Variants in NDUFV1 observed in about 807,000 individuals in gnomAD.
NDUFV1 encodes NADH dehydrogenase [ubiquinone] flavoprotein 1, mitochondrial.
A neutral mutation model predicts 48.7 loss-of-function variants in NDUFV1; 41 were observed. That is an observed-to-expected ratio of 0.84 (90% CI 0.66 to 1.09). The LOEUF is 1.09. Ranked by LOEUF, NDUFV1 falls within the 50% of genes least tolerant of loss-of-function variation. The pLI is 0.00. For missense variants in NDUFV1, 580 were observed against 645.4 expected, an observed-to-expected ratio of 0.90 and a Z score of 1.10; for synonymous variants, 231 against 259.1, an observed-to-expected ratio of 0.89 and a Z score of 1.04.
chr11:67,611,885 C>T lies in NDUFV1; in HGVS notation c.1081-12C>T. 1 of 1,613,982 alleles carries T rather than the reference C, an allele frequency of 6.2e-7. No homozygotes were observed. Among genetic ancestry groups the T allele is most frequent in the Non-Finnish European group, 8.5e-7 (1 of 1,179,950 alleles). On this transcript the variant is annotated splice_polypyrimidine_tract_variant and intron_variant, in intron 7 of 9. Coordinates refer to ENST00000322776, the MANE Select transcript of NDUFV1 (RefSeq NM_007103.4). The surrounding 1 kb of genome is among the most constrained non-coding windows in gnomAD (Gnocchi z 4.2). ...GGCCGTGGGTGCCTGCTAATTGCCC[C>T]TCGTCACCCAGACGGACATCGTGAA...
chr11:67,609,241 T>C (rs969123751), intron 3 of NDUFV1, among the ~76,000 whole-genome samples: 4 of 152,140 alleles, frequency 2.6e-5, no homozygotes, highest in African/African-American at 9.7e-5. Flanking sequence ...ACCTTTCTTG[T>C]GGTCATAGCC....
At position 67,611,919 on chromosome 11, in the gene NDUFV1, C is replaced by T. The variant is rs1854923476; in HGVS notation, c.1103C>T (p.Ala368Val). The change falls in exon 8 of 10, where the codon GCC becomes GTC. Residue 368 changes from alanine (A) to valine (V), a missense_variant. Transcript: ENST00000322776. The surrounding 1 kb of genome is among the most constrained non-coding windows in gnomAD (Gnocchi z 4.2). ...CAGACGGACATCGTGAAAGCCATCG[C>T]CCGCCTCATTGAGTTCTATAAGCAC... ...DRSTDIVKAI[A>V]RLIEFYKHES... The T allele has an allele frequency of 2.5e-6, 4 of 1,614,086 alleles. No homozygotes were observed. Among genetic ancestry groups the T allele is most frequent in the Non-Finnish European group, 3.4e-6 (4 of 1,180,010 alleles).
chr11:67,611,192 A>AT lies in NDUFV1; in HGVS notation c.900dup (p.Glu301Ter). The AT allele has an allele frequency of 1.2e-6, 2 of 1,613,640 alleles. No homozygotes were observed. The highest frequency in any genetic ancestry group is 1.7e-6 in the Non-Finnish European group (2 of 1,179,872). ...GATGTCTGTGCCCTTGAAAGAACTG[A>AT]TTGAGAAGCATGCTGGTAAGGCCTG... On this transcript the variant is annotated frameshift_variant, in exon 6 of 10. Coordinates refer to ENST00000322776, the MANE Select transcript of NDUFV1 (RefSeq NM_007103.4). LOFTEE classifies it high-confidence loss of function. This position sits in a 1 kb window ranked among gnomAD's most constrained non-coding sequence, Gnocchi z 4.2.
chr11:67,611,683 A>C lies in NDUFV1; in HGVS notation c.1080+114A>C. ...CAGGTCTCAGTTCCTGCAGCCTGAG[A>C]TAAAGCAAGGTGGAAGAGGAGGGAG... is the stretch of plus-strand genomic sequence containing the variant. On this transcript the variant is annotated intron_variant, in intron 7 of 9. Transcript: ENST00000322776. The surrounding 1 kb of genome is among the most constrained non-coding windows in gnomAD (Gnocchi z 4.2). 6.7e-7 allele frequency: 1 copy of C among 1,491,444 alleles called. No homozygotes were observed. 92.4% of individuals were successfully genotyped at this position (1,491,444 alleles called of 1,614,324 possible).
Position 67,611,780 on chromosome 11 carries a change from G to A in NDUFV1, c.1081-117G>A. The A allele has an allele frequency of 2.7e-6, 4 of 1,463,682 alleles. No homozygotes were observed. The highest frequency in any genetic ancestry group is 3.8e-6 in the Non-Finnish European group (4 of 1,060,016). 90.7% of individuals were successfully genotyped at this position (1,463,682 alleles called of 1,614,324 possible). On this transcript the variant is annotated intron_variant, in intron 7 of 9. Transcript: ENST00000322776. This position sits in a 1 kb window ranked among gnomAD's most constrained non-coding sequence, Gnocchi z 4.2. ...GGCCCAGGGAGGCTGGAGGAGGCCA[G>A]AACGCTGGGTGGGCTGGGAAGAGCT...
Position 67,611,125 on chromosome 11 carries a change from C to T in NDUFV1, c.831C>T (p.Asn277=), listed in dbSNP as rs139299777. ...GCAACTCAGGCACCAAACTATTCAA[C>T]ATCTCTGGCCATGTCAACCACCCTT... ...RERNSGTKLF[N]ISGHVNHPCT... is the part of the protein sequence containing the mutation. The change falls in exon 6 of 10, where the codon AAC becomes AAT. Residue 277 remains asparagine, a synonymous_variant. Coordinates refer to ENST00000322776, the MANE Select transcript of NDUFV1 (RefSeq NM_007103.4). This position sits in a 1 kb window ranked among gnomAD's most constrained non-coding sequence, Gnocchi z 4.2. 2.0e-4 allele frequency: 319 copies of T among 1,614,252 alleles called. No homozygotes were observed. The highest frequency in any genetic ancestry group is 3.3e-4 in the Middle Eastern group (2 of 6,062).
chr11:67,612,363 C>T lies in NDUFV1; in HGVS notation c.1309-9C>T, dbSNP rs374581520. ...ACTCTGTTTCACATGGTCCCCCCACCGACCCCAGGGTCTGATCCGCCACTT... is the reference window on the plus strand; with the variant it reads ...ACTCTGTTTCACATGGTCCCCCCACTGACCCCAGGGTCTGATCCGCCACTT... On this transcript the variant is annotated splice_polypyrimidine_tract_variant and intron_variant, in intron 9 of 9. Coordinates refer to ENST00000322776, the MANE Select transcript of NDUFV1 (RefSeq NM_007103.4). The surrounding 1 kb of genome is among the most constrained non-coding windows in gnomAD (Gnocchi z 4.4). 1.8e-5 allele frequency: 29 copies of T among 1,613,472 alleles called. No homozygotes were observed. Among genetic ancestry groups the T allele is most frequent in the Middle Eastern group, 1.7e-4 (1 of 5,772 alleles).
intron 4 of NDUFV1, 31 bp from the exon 5 acceptor site, chr11:67,610,350 G>A: frequency 6.2e-7 from 1 of 1,612,172 alleles, no homozygotes; most frequent in East Asian, 2.2e-5. Context: ...GGCTGGGGGT[G>A]GGCTGGGAAA....
rs377051261 is a variant in NDUFV1, at chr11:67,611,235, G to C, written c.913+28G>C. 6.2e-7 allele frequency: 1 copy of C among 1,611,664 alleles called. No individual in the cohort carries two copies. Among genetic ancestry groups the C allele is most frequent in the Admixed American group, 1.7e-5 (1 of 59,984 alleles). ...AAGGCCTGGGGCCAGCCAGGTGGTG[G>C]GGGGGTGCGCAGTGGGGGCAGGTGT... On this transcript the variant is annotated intron_variant, in intron 6 of 9. Coordinates refer to ENST00000322776, the MANE Select transcript of NDUFV1 (RefSeq NM_007103.4). The surrounding 1 kb of genome is among the most constrained non-coding windows in gnomAD (Gnocchi z 4.2).
At chr11:67,610,912 G>A (rs959736758) in intron 5 of NDUFV1, 83 bp from the exon 6 acceptor site, 13 of 1,349,824 alleles carry the variant, frequency 9.6e-6, no homozygotes, top group East Asian at 4.6e-5. Context: ...TGCCATGGGT[G>A]CAGGACCCTG....
At chr11:67,608,181 ACG>A in intron 1 of NDUFV1, 1 of 591,346 alleles carries the variant, frequency 1.7e-6, no homozygotes, top group Non-Finnish European at 3.0e-6. Flanking sequence ...AGCTGAGATT[ACG>A]CCACTGCACT....
intron 4 of NDUFV1, 179 bp downstream of exon 4, chr11:67,609,814 G>A: frequency 1.5e-6 from 1 of 651,484 alleles, no homozygotes; most frequent in Non-Finnish European, 2.6e-6. Context: ...CTCCTTCCAG[G>A]GCTCCTAATG....
intron 3 of NDUFV1, 31 bp from the exon 4 acceptor site, chr11:67,609,421 T>G: frequency 6.2e-7 from 1 of 1,611,552 alleles, no homozygotes; most frequent in Non-Finnish European, 8.5e-7. Context: ...CTGATGGCCC[T>G]GTAGCCTGTC....
rs947406124 is a variant in NDUFV1 at position 67,606,944 on chromosome 11, A to T, written c.-61A>T. 7 of 1,557,662 alleles carry T rather than the reference A, an allele frequency of 4.5e-6. No individual in the cohort carries two copies. The highest frequency in any genetic ancestry group is 6.1e-6 in the Non-Finnish European group (7 of 1,144,892). ...CGCCACCTAGCGTCTCTATCGCGCC[A>T]GTTCCTCAGCCTCAGTGCTATGAAG... On this transcript the variant is annotated 5_prime_UTR_variant, in exon 1 of 10. Transcript: ENST00000322776.
chr11:67,609,129 C>G (rs1273688382), intron 3 of NDUFV1, among the ~76,000 whole-genome samples: 1 of 152,168 alleles, frequency 6.6e-6, no homozygotes, highest in Non-Finnish European at 1.5e-5. Flanking sequence ...TGCTTTACCT[C>G]CTTTTGATGG....
At position 67,612,001 on chromosome 11, in the gene NDUFV1, G is replaced by T; in HGVS notation, c.1162+23G>T. 1 of 1,613,732 alleles carries T rather than the reference G, an allele frequency of 6.2e-7. No homozygotes were observed. The highest frequency in any genetic ancestry group is 8.5e-7 in the Non-Finnish European group (1 of 1,179,954). ...AGGGTGAGCATCGGGCAGGTTGGGG[G>T]CTTGCTTGCTGTGGCTTCATTTAAC... is the stretch of plus-strand genomic sequence containing the variant. On this transcript the variant is annotated intron_variant, in intron 8 of 9. Transcript: ENST00000322776. This position sits in a 1 kb window ranked among gnomAD's most constrained non-coding sequence, Gnocchi z 4.4.
rs863224116 is a variant in NDUFV1, at chr11:67,608,439, A to G, written c.116A>G (p.Asp39Gly). 11 of 1,614,080 alleles carry G rather than the reference A, an allele frequency of 6.8e-6. No individual in the cohort carries two copies. The highest frequency in any genetic ancestry group is 8.5e-6 in the Non-Finnish European group (10 of 1,180,012). ...KTSFGSLKDE[D>G]RIFTNLYGRH... is the part of the protein sequence containing the mutation. ...TCATTTGGCTCGCTGAAGGATGAAG[A>G]CCGGATTTTCACCAACCTGTACGGC... Residue 39 changes from aspartate (D) to glycine (G), a missense_variant, in exon 2 of 10, where the codon GAC becomes GGC. By Grantham distance (94) the Asp-to-Gly change is moderately conservative. Transcript: ENST00000322776.
chr11:67,611,573 A>G lies in NDUFV1; in HGVS notation c.1080+4A>G. On this transcript the variant is annotated splice_donor_region_variant and intron_variant, in intron 7 of 9. Transcript: ENST00000322776. This position sits in a 1 kb window ranked among gnomAD's most constrained non-coding sequence, Gnocchi z 4.2. ...GGTGATCGTCATGGACCGCTCGGTA[A>G]GGGTTCACACACCAGCCCTGGTCCC... 1.2e-6 allele frequency: 2 copies of G among 1,600,600 alleles called. No individual in the cohort carries two copies. The highest frequency in any genetic ancestry group is 1.7e-6 in the Non-Finnish European group (2 of 1,173,526).
chr11:67,608,492 C>G lies in NDUFV1; in HGVS notation c.155+14C>G. On this transcript the variant is annotated intron_variant, in intron 2 of 9. Coordinates refer to ENST00000322776, the MANE Select transcript of NDUFV1 (RefSeq NM_007103.4). ...CCATGACTGGAGGTGAGACAGTGCC[C>G]TTAGTGTGTTGGGTCCCGGAGCAAG... 3 of 1,614,176 alleles carry G rather than the reference C, an allele frequency of 1.9e-6. No homozygotes were observed. Among genetic ancestry groups the G allele is most frequent in the Non-Finnish European group, 2.5e-6 (3 of 1,180,024 alleles).
Sources: gnomAD v4.1 joint callset for allele counts (sites outside exome capture counted in the v4.1 genomes callset) on GRCh38, gnomAD v4.1.1 for gene constraint, Gnocchi (gnomAD v3.1) non-coding constraint, MANE v1.5 for transcripts, NCBI Gene and HGNC (gene_info 2026-07-23, HGNC 2026-07-21) for gene names.